The following NAV2 variants were observed in gnomAD, a reference collection of about 807,000 sequenced individuals.
NAV2 encodes the protein neuron navigator 2.
Under a neutral mutation model 223.2 loss-of-function variants are expected in NAV2, and 54 were observed. That is an observed-to-expected ratio of 0.24 (90% CI 0.19 to 0.30). The LOEUF (loss-of-function observed/expected upper bound fraction) is 0.30, where lower values mean the gene tolerates loss of function less well. Among genes scored for constraint, NAV2 ranks in the 10% least tolerant of loss-of-function variants. The pLI, the probability that NAV2 is intolerant of heterozygous loss-of-function variation, is 1.00. For synonymous variants in NAV2, 1,279 were observed against 1,239.3 expected, an observed-to-expected ratio of 1.03 and a Z score of -0.67; for missense variants, 2,806 against 3,147.5, an observed-to-expected ratio of 0.89 and a Z score of 2.60.
chr11:19,772,768 C>T (rs1342389348), intron 1 of NAV2, among the ~76,000 whole-genome samples: 1 of 152,166 alleles, frequency 6.6e-6, no homozygotes, highest in African/African-American at 2.4e-5. Flanking sequence ...TGCATGGGAG[C>T]AGTCTAGAGA....
intron 22 of NAV2, among the ~76,000 whole-genome samples, chr11:20,071,825 G>A (rs1362258439): frequency 6.6e-6 from 1 of 152,038 alleles, no homozygotes; most frequent in Non-Finnish European, 1.5e-5. Context: ...TTATAAATTT[G>A]TTTAAGTTCT....
chr11:19,467,042 G>GAT (rs1454766089), intron 1 of NAV2, among the ~76,000 whole-genome samples: 232 of 146,364 alleles, frequency 1.6e-3, no homozygotes, highest in African/African-American at 4.1e-3. Flanking sequence ...GAGAGAGAGA[G>GAT]AGATAGATAG....
intron 1 of NAV2, among the ~76,000 whole-genome samples, chr11:19,501,267 G>T (rs1188005196): frequency 6.6e-6 from 1 of 152,126 alleles, no homozygotes; most frequent in Non-Finnish European, 1.5e-5. Context: ...AATTACATTT[G>T]CACAGTCCCT....
intron 1 of NAV2, among the ~76,000 whole-genome samples, chr11:19,371,682 CA>C (rs1226353128): frequency 2.0e-5 from 3 of 151,836 alleles, no homozygotes; most frequent in African/African-American, 7.3e-5. Flanking sequence ...CATCCAACTC[CA>C]AAATTTGACT....
rs1591330944 is a variant in NAV2, at chr11:19,938,539, T to C, written c.2034-1122T>C. On this transcript the variant is annotated intron_variant, in intron 7 of 37. Coordinates refer to ENST00000349880, the MANE Select transcript of NAV2 (RefSeq NM_145117.5). ...AGATATTTATTGTGAAATATCCCGA[T>C]TTTTAAATGTTGAACTAATTTTAAA... Among the ~76,000 whole-genome samples the C allele has an allele frequency of 2.0e-5, 3 of 152,248 alleles. No individual in the cohort carries two copies. In the South Asian group the frequency reaches 6.2e-4, roughly 32 times the overall value.
intron 1 of NAV2, among the ~76,000 whole-genome samples, chr11:19,703,677 T>A (rs2049576866): frequency 6.6e-6 from 1 of 152,260 alleles, no homozygotes; most frequent in African/African-American, 2.4e-5. Context: ...TTTTCCAGAT[T>A]GGCTGTTAAC....
chr11:19,585,059 G>A lies in NAV2; in HGVS notation c.75+234032G>A, dbSNP rs550496194. ...AAGGACTTGCTTCATGAATCTGGGTGCTCCTATATTGGGTGCGTATATATT... is the reference window on the plus strand; with the variant it reads ...AAGGACTTGCTTCATGAATCTGGGTACTCCTATATTGGGTGCGTATATATT... On this transcript the variant is annotated intron_variant, in intron 1 of 37. Transcript: ENST00000360655. Among the ~76,000 whole-genome samples the A allele has an allele frequency of 7.2e-5, 11 of 152,246 alleles. No homozygotes were observed. In the South Asian group the frequency reaches 2.1e-3, roughly 29 times the overall value.
intron 1 of NAV2, among the ~76,000 whole-genome samples, chr11:19,546,408 G>A (rs553885375): frequency 6.6e-6 from 1 of 152,236 alleles, no homozygotes; most frequent in East Asian, 1.9e-4. Flanking sequence ...GTGGGGCCCA[G>A]ATGGCAGAGG....
chr11:20,067,275 A>G (rs1403514757), intron 20 of NAV2, among the ~76,000 whole-genome samples: 1 of 152,018 alleles, frequency 6.6e-6, no homozygotes, highest in African/African-American at 2.4e-5. Context: ...AGATCTTTCT[A>G]CCCTGGTGCT....
intron 11 of NAV2, among the ~76,000 whole-genome samples, chr11:19,986,273 C>A (rs1161875444): frequency 6.6e-6 from 1 of 152,178 alleles, no homozygotes; most frequent in East Asian, 1.9e-4. Flanking sequence ...AAATGGACAA[C>A]AATGTCCTTT....
chr11:19,378,908 G>A (rs566058885), intron 1 of NAV2, among the ~76,000 whole-genome samples: 2 of 152,192 alleles, frequency 1.3e-5, no homozygotes, highest in Non-Finnish European at 2.9e-5. Context: ...CAGGCTCGGT[G>A]CTGGGCATGT....
chr11:20,119,379 C>T lies in NAV2; in HGVS notation c.*1121C>T, dbSNP rs939466946. The stretch of plus-strand genomic sequence containing the variant: ...TTAAAATGGATGAGGACCTGGTCCT[C>T]GACATGTGGGTGAGCCATGGACCTT... On this transcript the variant is annotated 3_prime_UTR_variant, in exon 38 of 38. Transcript: ENST00000349880. 3 of 152,418 alleles carry T rather than the reference C, an allele frequency of 2.0e-5. No individual in the cohort carries two copies. Among genetic ancestry groups the T allele is most frequent in the African/African-American group, 7.2e-5 (3 of 41,394 alleles). 9.4% of individuals were successfully genotyped at this position (152,418 alleles called of 1,614,324 possible).
intron 1 of NAV2, among the ~76,000 whole-genome samples, chr11:19,720,047 G>A (rs957747125): frequency 7.9e-5 from 12 of 152,210 alleles, no homozygotes; most frequent in Non-Finnish European, 1.6e-4. Flanking sequence ...AGGGCAGAAG[G>A]AAAGCCCTTT....
At chr11:19,860,320 G>A (rs1194780476) in intron 3 of NAV2, among the ~76,000 whole-genome samples, 5 of 123,976 alleles carry the variant, frequency 4.0e-5, no homozygotes, top group South Asian at 3.0e-4. Context: ...CAGACAGGGC[G>A]GTTGCCAGGC....
intron 1 of NAV2, among the ~76,000 whole-genome samples, chr11:19,590,936 G>A (rs867271082): frequency 6.6e-6 from 1 of 152,026 alleles, no homozygotes; most frequent in Non-Finnish European, 1.5e-5. Flanking sequence ...GGCTTCTTTT[G>A]TCTCCACTTC....
intron 1 of NAV2, among the ~76,000 whole-genome samples, chr11:19,787,298 T>G (rs79775491): frequency 1.0e-4 from 14 of 138,214 alleles, no homozygotes; most frequent in East Asian, 2.1e-4. Context: ...TTTTTTTTTT[T>G]GGAGATGGGG....
chr11:19,368,049 G>T (rs906161395), intron 1 of NAV2, among the ~76,000 whole-genome samples: 1 of 152,194 alleles, frequency 6.6e-6, no homozygotes, highest in Non-Finnish European at 1.5e-5. Flanking sequence ...GCCAGATTTG[G>T]GGATCAGAAG....
At chr11:20,072,892 T>C (rs560432809) in intron 22 of NAV2, among the ~76,000 whole-genome samples, 59 of 152,348 alleles carry the variant, frequency 3.9e-4, no homozygotes, top group African/African-American at 1.3e-3. Context: ...CAGAGACAAT[T>C]TGACTTCCTG....
At chr11:20,067,051 CA>C (rs1375974813) in intron 20 of NAV2, among the ~76,000 whole-genome samples, 1 of 152,132 alleles carries the variant, frequency 6.6e-6, no homozygotes, top group African/African-American at 2.4e-5. Flanking sequence ...TTCTGGCTAG[CA>C]GGTACCTGTG....
Sources: gnomAD v4.1 joint callset for allele counts (sites outside exome capture counted in the v4.1 genomes callset) on GRCh38, gnomAD v4.1.1 for gene constraint, MANE v1.5 for transcripts, NCBI Gene and HGNC (gene_info 2026-07-23, HGNC 2026-07-21) for gene names.